NHS: variants seen among roughly 807,000 people sequenced by gnomAD.
The protein encoded by NHS is actin remodeling regulator NHS.
In NHS, 5 loss-of-function variants were observed where a neutral mutation model predicts 72.5. The ratio of observed to expected loss-of-function variants is 0.07; its 90% CI spans 0.04 to 0.14. NHS has a LOEUF of 0.14. Ranked by LOEUF, NHS falls within the 10% of genes least tolerant of loss-of-function variation. The pLI is 1.00. For missense variants in NHS, 1,072 were observed against 1,355.7 expected, an observed-to-expected ratio of 0.79 and a Z score of 3.29; for synonymous variants, 464 against 547.7, an observed-to-expected ratio of 0.85 and a Z score of 2.13.
Position 17,589,317 on chromosome X carries a change from A to G in NHS, c.566-98425A>G, listed in dbSNP as rs1181829207. Among the ~76,000 whole-genome samples, 3 of 109,899 alleles carry G rather than the reference A, an allele frequency of 2.7e-5. No individual in the cohort carries two copies. The Admixed American group carries it at 2.9e-4, about 11-fold the overall frequency. The stretch of plus-strand genomic sequence containing the variant: ...GTCCTTTATCCCTCCCCACCTTCCC[A>G]CTCTTTTTACTCCTGAGTCCCCAAA... On this transcript the variant is annotated intron_variant, in intron 1 of 8. Transcript: ENST00000676302.
intron 1 of NHS, among the ~76,000 whole-genome samples, chrX:17,569,648 G>T (rs2065464786): frequency 8.9e-6 from 1 of 111,852 alleles, no homozygotes. Flanking sequence ...AGTTTCTTTT[G>T]CTGGGCAGAA....
intron 1 of NHS, among the ~76,000 whole-genome samples, chrX:17,494,704 T>C (rs769692138): frequency 8.9e-6 from 1 of 112,509 alleles, no homozygotes; most frequent in East Asian, 2.8e-4. Context: ...TCACATAGCA[T>C]TTCATTCCCT....
chrX:17,389,498 A>G (rs189548569), intron 1 of NHS, among the ~76,000 whole-genome samples: 533 of 111,854 alleles, frequency 4.8e-3, no homozygotes, highest in African/African-American at 0.016. Context: ...ATCGTGCTGG[A>G]TTTTAGGGAG....
At chrX:17,471,936 A>G (rs1234573046) in intron 1 of NHS, among the ~76,000 whole-genome samples, 2 of 111,638 alleles carry the variant, frequency 1.8e-5, no homozygotes, top group East Asian at 5.6e-4. Flanking sequence ...GGAGCTCCAT[A>G]TCTAGTTAAA....
intron 1 of NHS, among the ~76,000 whole-genome samples, chrX:17,569,654 C>A (rs1405821967): frequency 8.9e-6 from 1 of 111,806 alleles, no homozygotes; most frequent in African/African-American, 3.3e-5. Flanking sequence ...TTTTGCTGGG[C>A]AGAAGCTCTT....
At position 17,687,868 on chromosome X, in the gene NHS, G is replaced by A. The variant is rs757440505; in HGVS notation, c.692G>A (p.Arg231Gln). ...GTGGAGGAGCTGCACCGCCACGCCC[G>A]GCAGAGCCTGCAAGCCCTGCGCAGA... ...PCVEELHRHA[R>Q]QSLQALRREH... The change falls in exon 2 of 9, where the codon CGG becomes CAG. Residue 231 changes from arginine to glutamine, a missense_variant. Transcript: ENST00000676302. 12 of 1,210,178 alleles carry A rather than the reference G, an allele frequency of 9.9e-6. No individual in the cohort carries two copies. The highest frequency in any genetic ancestry group is 6.5e-5 in the Admixed American group (3 of 45,861).
At chrX:17,535,947 C>T (rs747828252) in intron 1 of NHS, among the ~76,000 whole-genome samples, 24 of 111,611 alleles carry the variant, frequency 2.2e-4, no homozygotes, top group African/African-American at 5.2e-4. Flanking sequence ...CCTGAAATGT[C>T]GAAGAAGGGA....
chrX:17,597,968 T>G (rs182312444), intron 1 of NHS, among the ~76,000 whole-genome samples: 37 of 111,580 alleles, frequency 3.3e-4, no homozygotes, highest in African/African-American at 1.1e-3. Context: ...ATTCTCTCTC[T>G]TCTCTTTCTT....
chrX:17,403,425 G>A (rs1458993795), intron 1 of NHS, among the ~76,000 whole-genome samples: 1 of 111,632 alleles, frequency 9.0e-6, no homozygotes, highest in Non-Finnish European at 1.9e-5. Flanking sequence ...GCATGTTTTC[G>A]TGGCTGAGAG....
At chrX:17,422,453 C>T (rs1974651827) in intron 1 of NHS, among the ~76,000 whole-genome samples, 1 of 111,153 alleles carries the variant, frequency 9.0e-6, no homozygotes, top group African/African-American at 3.3e-5. Flanking sequence ...ATATGCTTAG[C>T]ATGTGTCTCT....
At chrX:17,387,908 T>C (rs1044559387) in intron 1 of NHS, among the ~76,000 whole-genome samples, 24 of 112,988 alleles carry the variant, frequency 2.1e-4, no homozygotes, top group African/African-American at 7.4e-4. Context: ...TGGCTATTAT[T>C]GGCTATTTTA....
chrX:17,539,594 T>C (rs946024452), intron 1 of NHS, among the ~76,000 whole-genome samples: 4 of 111,067 alleles, frequency 3.6e-5, no homozygotes, highest in Non-Finnish European at 7.5e-5. Flanking sequence ...AGCACATGTC[T>C]GGGACCTTTC....
Position 17,732,054 on chromosome X carries a change from G to C in NHS, c.4546G>C (p.Glu1516Gln), listed in dbSNP as rs1209626669. ...NAKKSNTSNEEFKLLLLKKGS... is the reference protein window; with the variant it reads ...NAKKSNTSNEQFKLLLLKKGS... ...CAAAAAGTCCAACACATCCAATGAA[G>C]AGTTTAAGCTGTTACTGCTCAAGAA... The change falls in exon 9 of 9, where the codon GAG becomes CAG. Residue 1516 changes from glutamate (E) to glutamine (Q), a missense_variant. Glu to Gln is a conservative substitution (Grantham distance 29, BLOSUM62 2). Transcript: ENST00000676302. 2 of 1,211,477 alleles carry C rather than the reference G, an allele frequency of 1.7e-6. No individual in the cohort carries two copies. Among genetic ancestry groups the C allele is most frequent in the Non-Finnish European group, 2.2e-6 (2 of 895,471 alleles).
intron 1 of NHS, among the ~76,000 whole-genome samples, chrX:17,390,682 G>A (rs1477489985): frequency 8.9e-6 from 1 of 112,128 alleles, no homozygotes; most frequent in Non-Finnish European, 1.9e-5. Context: ...TGAGAAAAGA[G>A]ATGTTGGAAC....
chrX:17,457,719 C>A (rs2064830856), intron 1 of NHS, among the ~76,000 whole-genome samples: 1 of 111,769 alleles, frequency 8.9e-6, no homozygotes, highest in African/African-American at 3.3e-5. Flanking sequence ...CAGAAAAGGA[C>A]CCAGTGGGCT....
intron 4 of NHS, among the ~76,000 whole-genome samples, 200 bp downstream of exon 4, chrX:17,719,606 C>A (rs940951543): frequency 3.7e-5 from 4 of 108,472 alleles, no homozygotes; most frequent in African/African-American, 1.3e-4. Flanking sequence ...TTGCCTTTTT[C>A]CCCCATTCAC....
At chrX:17,659,901 T>C (rs1304478540) in intron 1 of NHS, among the ~76,000 whole-genome samples, 3 of 112,206 alleles carry the variant, frequency 2.7e-5, no homozygotes, top group Non-Finnish European at 5.6e-5. Flanking sequence ...AGTGACAAAT[T>C]TGGGATTCGA....
At chrX:17,555,803 TG>T (rs1359864288) in intron 1 of NHS, among the ~76,000 whole-genome samples, 1 of 111,784 alleles carries the variant, frequency 8.9e-6, no homozygotes, top group Non-Finnish European at 1.9e-5. Flanking sequence ...CAGGAGGTTT[TG>T]GGGGCCTAGG....
chrX:17,540,076 T>C (rs1480296125), intron 1 of NHS, among the ~76,000 whole-genome samples: 1 of 112,153 alleles, frequency 8.9e-6, no homozygotes, highest in Admixed American at 9.4e-5. Flanking sequence ...TTCTAACCAA[T>C]AGAATTAAGT....
Sources: allele counts gnomAD v4.1 joint callset (sites outside exome capture counted in the v4.1 genomes callset), GRCh38; gene constraint gnomAD v4.1.1; transcripts MANE v1.5; gene names NCBI Gene and HGNC (gene_info 2026-07-23, HGNC 2026-07-21).